DENND5A: variants seen among roughly 807,000 people sequenced by gnomAD.
DENND5A encodes the protein DENN domain-containing protein 5A.
Under a neutral mutation model 140.3 loss-of-function variants are expected in DENND5A, and 64 were observed. That is an observed-to-expected ratio of 0.46 (90% confidence interval 0.37 to 0.56). The LOEUF (loss-of-function observed/expected upper bound fraction) is 0.56. Ranked by LOEUF, DENND5A falls within the 20% of genes least tolerant of loss-of-function variation. DENND5A has a pLI of 0.00. For missense variants in DENND5A, 1,292 were observed against 1,593.8 expected (o/e 0.81, Z 3.22); for synonymous variants, 605 against 607.7 (o/e 1.00, Z 0.07).
At chr11:9,258,162 G>A (rs1171814636) in intron 1 of DENND5A, among the ~76,000 whole-genome samples, 1 of 152,028 alleles carries the variant, frequency 6.6e-6, no homozygotes, top group Non-Finnish European at 1.5e-5. Flanking sequence ...GGGTACATGT[G>A]CAGAACATAC....
At chr11:9,177,330 T>C (rs768036827) in intron 8 of DENND5A, among the ~76,000 whole-genome samples, 32 of 151,458 alleles carry the variant, frequency 2.1e-4, no homozygotes, top group Non-Finnish European at 3.5e-4. Flanking sequence ...CTTCCCCTCT[T>C]CTTGCCTCGA....
intron 1 of DENND5A, 61 bp from the exon 2 acceptor site, chr11:9,207,693 AC>A: frequency 1.7e-6 from 2 of 1,184,050 alleles, no homozygotes; most frequent in Non-Finnish European, 1.3e-6. Flanking sequence ...AACTTTTTTG[AC>A]CATTATTCCA....
intron 8 of DENND5A, chr11:9,176,740 G>T: frequency 2.9e-6 from 1 of 347,956 alleles, no homozygotes; most frequent in Non-Finnish European, 5.7e-6. Context: ...GTATCTGCTA[G>T]GTTTGTGTGG....
Position 9,217,516 on chromosome 11 carries a change from A to AAATT in DENND5A, c.110-9888_110-9885dup, listed in dbSNP as rs1266092361. On this transcript the variant is annotated intron_variant, in intron 1 of 22. Coordinates refer to ENST00000328194, the MANE Select transcript of DENND5A (RefSeq NM_015213.4). ...GCAATAAGAGCAAAAATTCCGTCTC[A>AAATT]AATTAATTAATTAATTAATTGCCCA... Among the ~76,000 whole-genome samples, 12 of 152,260 alleles carry AAATT rather than the reference A, an allele frequency of 7.9e-5. No individual in the cohort carries two copies. The East Asian group carries it at 2.1e-3, about 27-fold the overall frequency.
rs763688976 is a variant in DENND5A at position 9,169,954 on chromosome 11, C to A, written c.2058-5G>T. The stretch of plus-strand genomic sequence containing the variant: ...GGGGCATTCCTTTTCGTCCACCTAA[C>A]ACAATCAGAACCAAAGCAGGCAATT... On this transcript the variant is annotated splice_polypyrimidine_tract_variant and splice_region_variant and intron_variant, in intron 9 of 22. Coordinates refer to ENST00000328194, the MANE Select transcript of DENND5A (RefSeq NM_015213.4). 1 of 1,606,216 alleles carries A rather than the reference C, an allele frequency of 6.2e-7. No homozygotes were observed.
At chr11:9,257,431 T>A (rs1348865242) in intron 1 of DENND5A, among the ~76,000 whole-genome samples, 1 of 127,456 alleles carries the variant, frequency 7.8e-6, no homozygotes, top group African/African-American at 2.7e-5. Flanking sequence ...ACTCTGTCTC[T>A]TAAAAAAAAA....
At chr11:9,233,265 G>C (rs950655637) in intron 1 of DENND5A, among the ~76,000 whole-genome samples, 2 of 152,024 alleles carry the variant, frequency 1.3e-5, no homozygotes. Context: ...TGGACATGGT[G>C]GTGGGTGCCT....
chr11:9,197,592 G>T (rs1038669270), intron 4 of DENND5A, among the ~76,000 whole-genome samples: 7 of 151,854 alleles, frequency 4.6e-5, no homozygotes, highest in African/African-American at 1.7e-4. Flanking sequence ...CTACTTGGGG[G>T]GCTGAGGCAC....
At chr11:9,170,010 C>G (rs1848320069) in intron 9 of DENND5A, 61 bp from the exon 10 acceptor site, 2 of 1,215,430 alleles carry the variant, frequency 1.6e-6, no homozygotes, top group Admixed American at 3.4e-5. Context: ...GCAATGTCAA[C>G]TAACAGGAGA....
rs780860859 is a variant in DENND5A at position 9,145,828 on chromosome 11, A to C, written c.2858-13T>G. 6.2e-7 allele frequency: 1 copy of C among 1,614,042 alleles called. No individual in the cohort carries two copies. The highest frequency in any genetic ancestry group is 1.7e-5 in the Admixed American group (1 of 60,002). On this transcript the variant is annotated splice_polypyrimidine_tract_variant and intron_variant, in intron 16 of 22. Transcript: ENST00000328194. ...TGGTACGGGATCACTGTTTAGGGGA[A>C]GCCACAAAAGTATTGAGGAGAATTA...
At chr11:9,256,281 G>A (rs372256856) in intron 1 of DENND5A, among the ~76,000 whole-genome samples, 2 of 152,208 alleles carry the variant, frequency 1.3e-5, no homozygotes, top group East Asian at 3.9e-4. Flanking sequence ...CCAACGTGGT[G>A]AAACCCCGTC....
intron 1 of DENND5A, among the ~76,000 whole-genome samples, chr11:9,219,972 T>G (rs1048122997): frequency 6.6e-6 from 1 of 152,230 alleles, no homozygotes; most frequent in African/African-American, 2.4e-5. Flanking sequence ...GGGGCTCAGT[T>G]AAAGCACTCT....
intron 1 of DENND5A, among the ~76,000 whole-genome samples, chr11:9,263,659 G>A (rs1852310907): frequency 6.8e-6 from 1 of 146,376 alleles, no homozygotes; most frequent in African/African-American, 2.5e-5. Context: ...TGGCTAACAA[G>A]GTGAAACCCC....
At chr11:9,231,984 T>C (rs144780547) in intron 1 of DENND5A, among the ~76,000 whole-genome samples, 18 of 152,206 alleles carry the variant, frequency 1.2e-4, no homozygotes, top group South Asian at 4.1e-4. Flanking sequence ...ACAGCAATGG[T>C]AATGTTTCTC....
chr11:9,258,302 G>C (rs1852040423), intron 1 of DENND5A, among the ~76,000 whole-genome samples: 1 of 94,394 alleles, frequency 1.1e-5, no homozygotes, highest in African/African-American at 4.3e-5. Context: ...ACAGGCCCCA[G>C]TGTGTGATGT....
At chr11:9,164,191 C>A (rs1465152731) in intron 11 of DENND5A, among the ~76,000 whole-genome samples, 1 of 117,140 alleles carries the variant, frequency 8.5e-6, no homozygotes, top group South Asian at 2.7e-4. Flanking sequence ...ACCACCACGC[C>A]TAATTTTTTT....
intron 1 of DENND5A, among the ~76,000 whole-genome samples, chr11:9,253,457 G>A (rs1308407731): frequency 1.3e-5 from 2 of 152,038 alleles, no homozygotes; most frequent in African/African-American, 2.4e-5. Context: ...GTCAAATAGC[G>A]TTCTCTTTAG....
rs1027534225 is a variant in DENND5A at position 9,144,369 on chromosome 11, G to T, written c.3123-91C>A. The T allele has an allele frequency of 8.5e-6, 11 of 1,288,438 alleles. No individual in the cohort carries two copies. In the East Asian group the frequency reaches 1.9e-4, roughly 22 times the overall value. The allele number at this position is 1,288,438 out of a possible 1,614,324, so 79.8% of individuals were successfully genotyped here. A position where few individuals can be genotyped will look rare whatever the true frequency, so the allele number is the denominator to read the frequency against. ...CAACAAAGCCAATCCCTGGAGATAG[G>T]CTCTGAAACCAGGATAGAGACTCCT... On this transcript the variant is annotated intron_variant, in intron 18 of 22. Coordinates refer to ENST00000328194, the MANE Select transcript of DENND5A (RefSeq NM_015213.4).
At chr11:9,263,374 C>A (rs1426557419) in intron 1 of DENND5A, among the ~76,000 whole-genome samples, 2 of 151,478 alleles carry the variant, frequency 1.3e-5, no homozygotes, top group Non-Finnish European at 2.9e-5. Context: ...GCACGCGCCA[C>A]GACGCCCGGC....
Sources: gnomAD v4.1 joint callset for allele counts (sites outside exome capture counted in the v4.1 genomes callset) on GRCh38, gnomAD v4.1.1 for gene constraint, MANE v1.5 for transcripts, NCBI Gene and HGNC (gene_info 2026-07-23, HGNC 2026-07-21) for gene names.